The following MACF1 variants were observed in gnomAD, a reference collection of about 807,000 sequenced individuals.
MACF1 encodes microtubule-actin cross-linking factor 1.
In MACF1, 193 loss-of-function variants were observed where a neutral mutation model predicts 854.8. The observed-to-expected ratio is 0.23, with a 90% CI of 0.20 to 0.25. The LOEUF (loss-of-function observed/expected upper bound fraction) is 0.25, where lower values mean the gene tolerates loss of function less well. MACF1 is among the 10% of genes least tolerant of loss of function. The pLI is 1.00. For synonymous variants in MACF1, 3,185 were observed against 3,226.7 expected, an observed-to-expected ratio of 0.99 and a Z score of 0.44; for missense variants, 7,722 against 8,929.1, an observed-to-expected ratio of 0.86 and a Z score of 5.45.
At chr1:39,263,486 T>G (rs532218719) in intron 6 of MACF1, among the ~76,000 whole-genome samples, 2 of 152,340 alleles carry the variant, frequency 1.3e-5, no homozygotes, top group Admixed American at 1.3e-4. Context: ...GTAGTTGCCT[T>G]CAGAATTTAA....
intron 26 of MACF1, among the ~76,000 whole-genome samples, chr1:39,313,114 G>A (rs750954397): frequency 6.6e-6 from 1 of 152,128 alleles, no homozygotes; most frequent in Non-Finnish European, 1.5e-5. Context: ...TAGAATAAAT[G>A]TAGAATATTT....
At chr1:39,289,963 G>C (rs1645742646) in intron 15 of MACF1, among the ~76,000 whole-genome samples, 1 of 152,014 alleles carries the variant, frequency 6.6e-6, no homozygotes, top group African/African-American at 2.4e-5. Context: ...GCCTCCCAAA[G>C]TGCTGGGATT....
Position 39,455,055 on chromosome 1 carries a change from G to A in MACF1, c.21033G>A (p.Pro7011=), listed in dbSNP as rs147729421. The A allele has an allele frequency of 5.0e-5, 81 of 1,614,138 alleles. No individual in the cohort carries two copies. The African/African-American group carries it at 6.0e-4, about 12-fold the overall frequency. The change falls in exon 89 of 101, where the codon CCG becomes CCA. Residue 7011 remains proline (P), a synonymous_variant. Transcript: ENST00000564288. Reference sequence around the variant, plus strand: ...TTCAGCGGGATCAGGAGCCAATCCCGCAGAACATTGACCGAGTTAAAGCCC... The same window carrying A: ...TTCAGCGGGATCAGGAGCCAATCCCACAGAACATTGACCGAGTTAAAGCCC... The part of the protein sequence containing the change: ...TLIQRDQEPI[P]QNIDRVKALI...
chr1:39,279,139 A>G (rs1211747855), intron 6 of MACF1, among the ~76,000 whole-genome samples: 1 of 152,314 alleles, frequency 6.6e-6, no homozygotes, highest in South Asian at 2.1e-4. Flanking sequence ...AGCTGGCATC[A>G]TCAAAGTAGA....
At chr1:39,249,197 G>T (rs972044631) in intron 2 of MACF1, among the ~76,000 whole-genome samples, 1 of 152,126 alleles carries the variant, frequency 6.6e-6, no homozygotes, top group Non-Finnish European at 1.5e-5. Context: ...AACTTCACAA[G>T]GTAATTGTTT....
intron 44 of MACF1, 97 bp downstream of exon 44, chr1:39,353,328 C>T (rs1413985734): frequency 1.2e-6 from 1 of 854,916 alleles, no homozygotes; most frequent in Non-Finnish European, 1.8e-6. Context: ...GTGAGCACTT[C>T]TCAGTTTGTA....
Position 39,486,615 on chromosome 1 carries a change from C to T in MACF1, c.*821C>T, listed in dbSNP as rs1645103336. Reference sequence around the variant, plus strand: ...TTGTGAATTTCAGATTTGTTTTATCCACTTTTTTTGCTATTTATTTAAATG... The same window carrying T: ...TTGTGAATTTCAGATTTGTTTTATCTACTTTTTTTGCTATTTATTTAAATG... On this transcript the variant is annotated 3_prime_UTR_variant, in exon 101 of 101. Coordinates refer to ENST00000564288, the MANE Select transcript of MACF1 (RefSeq NM_001394062.1). 1 of 152,562 alleles carries T rather than the reference C, an allele frequency of 6.6e-6. No individual in the cohort carries two copies. The highest frequency in any genetic ancestry group is 6.5e-5 in the Admixed American group (1 of 15,270). The allele number at this position is 152,562 out of a possible 1,614,324, so 9.5% of individuals were successfully genotyped here.
intron 2 of MACF1, among the ~76,000 whole-genome samples, chr1:39,106,272 C>A (rs1259859366): frequency 6.6e-6 from 1 of 152,052 alleles, no homozygotes; most frequent in Non-Finnish European, 1.5e-5. Flanking sequence ...AGACCTTACC[C>A]CCTCCATCTC....
chr1:39,210,613 A>T (rs1644503432), intron 1 of MACF1, among the ~76,000 whole-genome samples: 1 of 152,034 alleles, frequency 6.6e-6, no homozygotes. Context: ...TTCTGCTTAC[A>T]TGTTGGACTG....
Position 39,287,261 on chromosome 1 carries a change from C to G in MACF1, c.1509-25C>G, listed in dbSNP as rs180937422. 177 of 1,607,208 alleles carry G rather than the reference C, an allele frequency of 1.1e-4. No individual in the cohort carries two copies. The East Asian group carries it at 3.5e-3, about 32-fold the overall frequency. ...ACTATACTATAGATTTAAATCCTTT[C>G]CTTTTTTCTCTTCTTCCATTTCAGG... On this transcript the variant is annotated intron_variant, in intron 14 of 100. Transcript: ENST00000564288.
At chr1:39,385,024 G>A (rs1442628819) in intron 56 of MACF1, among the ~76,000 whole-genome samples, 2 of 152,182 alleles carry the variant, frequency 1.3e-5, no homozygotes, top group African/African-American at 4.8e-5. Context: ...TTTTAAAGTA[G>A]TTGGCACTAT....
chr1:39,324,714 C>T lies in MACF1; in HGVS notation c.4458C>T (p.Phe1486=), dbSNP rs771127040. Residue 1486 remains phenylalanine (F), a synonymous_variant, in exon 35 of 101, where the codon TTC becomes TTT. Coordinates refer to ENST00000564288, the MANE Select transcript of MACF1 (RefSeq NM_001394062.1). ...VSEAIKTSQI[F]LAKHGHKLSE... ...AAGCTATTAAAACATCACAGATCTT[C>T]TTGGCCAAGCATGGTCATAAGTGAG... The T allele has an allele frequency of 6.2e-7, 1 of 1,613,530 alleles. No individual in the cohort carries two copies. Among genetic ancestry groups the T allele is most frequent in the South Asian group, 1.1e-5 (1 of 91,038 alleles).
intron 37 of MACF1, 85 bp downstream of exon 37, chr1:39,336,738 A>G (rs191219898): frequency 1.6e-6 from 2 of 1,268,626 alleles, no homozygotes; most frequent in Non-Finnish European, 2.1e-6. Flanking sequence ...GAGTTTACAT[A>G]TGTGTAATTG....
Position 39,268,561 on chromosome 1 carries a change from A to G in MACF1, c.528+10533A>G, listed in dbSNP as rs1019525930. On this transcript the variant is annotated intron_variant, in intron 6 of 100. Transcript: ENST00000564288. ...GACAGAGAGAGGCGGGGAGGGAGGG[A>G]GAAAGAATTGGAGGGATTGCCGGCA... The G allele has an allele frequency of 7.8e-6, 9 of 1,157,056 alleles. No individual in the cohort carries two copies. The Middle Eastern group carries it at 1.6e-3, about 204-fold the overall frequency. 71.7% of individuals were successfully genotyped at this position (1,157,056 alleles called of 1,614,324 possible). A position where few individuals can be genotyped will look rare whatever the true frequency, so the allele number is the denominator to read the frequency against.
Position 39,387,625 on chromosome 1 carries a change from A to C in MACF1, c.14783A>C (p.Glu4928Ala). The part of the protein sequence containing the change: ...WIEDCKAKMS[E>A]LRVTLDPVQL... The stretch of plus-strand genomic sequence containing the variant: ...GAAGATTGTAAAGCTAAGATGTCTG[A>C]GTTGCGAGTCACTCTGGATCCAGTG... Residue 4928 changes from glutamate (E) to alanine (A), a missense_variant, in exon 58 of 101, where the codon GAG becomes GCG. By Grantham distance (107) the Glu-to-Ala change is moderately radical. Transcript: ENST00000564288. 1.2e-6 allele frequency: 2 copies of C among 1,614,220 alleles called. No individual in the cohort carries two copies. The highest frequency in any genetic ancestry group is 2.2e-5 in the South Asian group (2 of 91,084).
At chr1:39,419,874 CCCAGG>C (rs1314582236) in intron 58 of MACF1, among the ~76,000 whole-genome samples, 1 of 151,114 alleles carries the variant, frequency 6.6e-6, no homozygotes, top group East Asian at 2.0e-4. Context: ...TCGCCTGTTG[CCCAGG>C]CTGGTCTCAA....
At chr1:39,218,946 G>A (rs1644612105) in intron 1 of MACF1, among the ~76,000 whole-genome samples, 1 of 151,922 alleles carries the variant, frequency 6.6e-6, no homozygotes, top group Admixed American at 6.6e-5. Flanking sequence ...ACACCTGGCT[G>A]ATTTTTGTAC....
chr1:39,481,069 C>T (rs1272110170), intron 99 of MACF1, 39 bp downstream of exon 99: 5 of 1,297,148 alleles, frequency 3.9e-6, no homozygotes, highest in Middle Eastern at 3.6e-4. Context: ...ACAGTCAAGA[C>T]GAGGCCCTCG....
chr1:39,258,855 A>C (rs1298347864), intron 6 of MACF1, among the ~76,000 whole-genome samples: 2 of 152,172 alleles, frequency 1.3e-5, no homozygotes, highest in African/African-American at 4.8e-5. Context: ...TAAAGATAGA[A>C]CAACAGGTGT....
Sources: allele counts gnomAD v4.1 joint callset (sites outside exome capture counted in the v4.1 genomes callset), GRCh38; gene constraint gnomAD v4.1.1; transcripts MANE v1.5; gene names NCBI Gene and HGNC (gene_info 2026-07-23, HGNC 2026-07-21).